FAM135A: variants seen among roughly 807,000 people sequenced by gnomAD.
FAM135A encodes the protein family with sequence similarity 135 member A.
A neutral mutation model predicts 146.8 loss-of-function variants in FAM135A; 79 were observed. The ratio of observed to expected loss-of-function variants is 0.54; its 90% CI spans 0.45 to 0.65. The LOEUF (loss-of-function observed/expected upper bound fraction) is 0.65. Ranked by LOEUF, FAM135A falls within the 30% of genes least tolerant of loss-of-function variation. The pLI is 0.00. For missense variants in FAM135A, 1,623 were observed against 1,758.2 expected (o/e 0.92, Z 1.38); for synonymous variants, 562 against 603.6 (o/e 0.93, Z 1.01).
Position 70,477,294 on chromosome 6 carries a change from T to A in FAM135A, c.504T>A (p.Val168=). The change falls in exon 8 of 22, where the codon GTT becomes GTA. Residue 168 remains valine (V), a synonymous_variant. Coordinates refer to ENST00000418814, the MANE Select transcript of FAM135A (RefSeq NM_001162529.3). ...YFHLSVVSVT[V]HASLVALHQP... is the part of the protein sequence containing the mutation. ...ACCTTTCTGTTGTGTCTGTTACAGTTCATGCATCATTGGTTGCACTACACC... is the reference window on the plus strand; with the variant it reads ...ACCTTTCTGTTGTGTCTGTTACAGTACATGCATCATTGGTTGCACTACACC... 6.2e-7 allele frequency: 1 copy of A among 1,613,398 alleles called. No individual in the cohort carries two copies. Among genetic ancestry groups the A allele is most frequent in the South Asian group, 1.1e-5 (1 of 91,022 alleles).
chr6:70,509,326 G>A (rs931900443), intron 12 of FAM135A, among the ~76,000 whole-genome samples: 3 of 152,072 alleles, frequency 2.0e-5, no homozygotes, highest in Admixed American at 1.3e-4. Flanking sequence ...GCTTCTATGA[G>A]GTTAGCCTCT....
At chr6:70,512,508 A>G (rs572264820) in intron 12 of FAM135A, among the ~76,000 whole-genome samples, 1 of 151,858 alleles carries the variant, frequency 6.6e-6, no homozygotes, top group Non-Finnish European at 1.5e-5. Context: ...GTTGTTCCAC[A>G]TGCTTGTATT....
chr6:70,485,233 TA>T (rs2128194900), intron 10 of FAM135A, among the ~76,000 whole-genome samples: 1 of 152,218 alleles, frequency 6.6e-6, no homozygotes, highest in African/African-American at 2.4e-5. Context: ...GGCATCAACA[TA>T]AAGCTTAACA....
chr6:70,468,685 G>A (rs1276743956), intron 5 of FAM135A, among the ~76,000 whole-genome samples: 2 of 152,184 alleles, frequency 1.3e-5, no homozygotes, highest in African/African-American at 2.4e-5. Flanking sequence ...TACAGTTCTT[G>A]AAATGACATA....
chr6:70,556,591 A>C (rs1800883117), intron 20 of FAM135A, 159 bp from the exon 21 acceptor site: 1 of 535,818 alleles, frequency 1.9e-6, no homozygotes, highest in Admixed American at 3.3e-5. Flanking sequence ...TTTTGTAGAG[A>C]ACATACAGAA....
At chr6:70,542,359 ATCATGTGTTTTTGTATCACC>A (rs1422438290) in intron 20 of FAM135A, among the ~76,000 whole-genome samples, 1 of 150,206 alleles carries the variant, frequency 6.7e-6, no homozygotes, top group East Asian at 2.0e-4. Flanking sequence ...GTGTTTTTGT[ATCATGTGTTTTTGTATCACC>A]TCATGTGTTT....
intron 11 of FAM135A, among the ~76,000 whole-genome samples, chr6:70,502,197 CAT>C (rs1788711374): frequency 6.6e-6 from 1 of 152,152 alleles, no homozygotes; most frequent in South Asian, 2.1e-4. Flanking sequence ...TCTAAGGAGT[CAT>C]AGATATTTTA....
intron 2 of FAM135A, among the ~76,000 whole-genome samples, chr6:70,421,945 T>A (rs997358486): frequency 3.3e-4 from 50 of 152,126 alleles, no homozygotes; most frequent in African/African-American, 1.1e-3. Context: ...CTGCCGTGCA[T>A]CATCTGGGTA....
At chr6:70,500,356 T>C (rs1788214420) in intron 11 of FAM135A, among the ~76,000 whole-genome samples, 1 of 152,310 alleles carries the variant, frequency 6.6e-6, no homozygotes, top group Non-Finnish European at 1.5e-5. Context: ...CTCTCTAAAC[T>C]GGTTATTCTT....
chr6:70,525,767 C>A lies in FAM135A; in HGVS notation c.2683C>A (p.Gln895Lys). Residue 895 changes from glutamine (Q) to lysine (K), a missense_variant, in exon 15 of 22, where the codon CAG (glutamine) becomes AAG (lysine). Transcript: ENST00000418814. ...AAAGTCAAGTATCACTTTGCAACAG[C>A]AGAGTGTTGTATTTTCAGGGAACTT... ...TKKSSITLQQ[Q>K]SVVFSGNLDN... 6.2e-7 allele frequency: 1 copy of A among 1,613,372 alleles called. No homozygotes were observed. Among genetic ancestry groups the A allele is most frequent in the Non-Finnish European group, 8.5e-7 (1 of 1,179,614 alleles).
intron 10 of FAM135A, among the ~76,000 whole-genome samples, chr6:70,486,820 C>T (rs1019627203): frequency 4.6e-5 from 7 of 151,952 alleles, no homozygotes; most frequent in Non-Finnish European, 7.4e-5. Flanking sequence ...CCCAGCTACT[C>T]GGAGGCTGAG....
chr6:70,533,841 G>T lies in FAM135A; in HGVS notation c.3952G>T (p.Val1318Phe). 1 of 1,498,566 alleles carries T rather than the reference G, an allele frequency of 6.7e-7. No individual in the cohort carries two copies. The highest frequency in any genetic ancestry group is 9.0e-7 in the Non-Finnish European group (1 of 1,113,164). The allele number at this position is 1,498,566 out of a possible 1,614,324, so 92.8% of individuals were successfully genotyped here. A position where few individuals can be genotyped will look rare whatever the true frequency, so the allele number is the denominator to read the frequency against. The change falls in exon 18 of 22, where the codon GTC becomes TTC. Residue 1318 changes from valine (V) to phenylalanine (F), a missense_variant. Transcript: ENST00000418814. ...IQYIQIYSLT[V>F]SKISFIGHSL... Reference sequence around the variant, plus strand: ...GTATATTCAGATATATAGTCTAACAGTCTCAAAAATAAGGTATCTTCTTTA... The same window carrying T: ...GTATATTCAGATATATAGTCTAACATTCTCAAAAATAAGGTATCTTCTTTA...
At chr6:70,425,751 A>T (rs1472364470) in intron 2 of FAM135A, among the ~76,000 whole-genome samples, 3 of 152,238 alleles carry the variant, frequency 2.0e-5, no homozygotes, top group Admixed American at 6.5e-5. Flanking sequence ...ATGCACACAC[A>T]TACATATATA....
chr6:70,482,191 A>G lies in FAM135A; in HGVS notation c.823+37A>G, dbSNP rs750421968. On this transcript the variant is annotated intron_variant, in intron 10 of 21. Transcript: ENST00000418814. Reference sequence around the variant, plus strand: ...GTAGCGAGACTTATTCTACAGTTCAAATCATTCTCTTCAGTCTTATATTGC... The same window carrying G: ...GTAGCGAGACTTATTCTACAGTTCAGATCATTCTCTTCAGTCTTATATTGC... 6 of 1,604,332 alleles carry G rather than the reference A, an allele frequency of 3.7e-6. No homozygotes were observed. The South Asian group carries it at 5.5e-5, about 15-fold the overall frequency.
chr6:70,480,094 G>A (rs142297598), intron 8 of FAM135A, among the ~76,000 whole-genome samples: 2 of 152,194 alleles, frequency 1.3e-5, no homozygotes, highest in East Asian at 3.9e-4. Context: ...CAGTTCAAAT[G>A]CTTTGGCCTA....
chr6:70,522,641 C>G, intron 13 of FAM135A, 55 bp downstream of exon 13: 1 of 1,379,426 alleles, frequency 7.2e-7, no homozygotes, highest in Non-Finnish European at 1.0e-6. Flanking sequence ...ACATAAGATA[C>G]CTGTCTCAGA....
intron 20 of FAM135A, among the ~76,000 whole-genome samples, chr6:70,553,813 C>T (rs12529284): frequency 0.17 from 25,670 of 151,904 alleles, 2,257 homozygotes; most frequent in Middle Eastern, 0.22. Context: ...AGTCATGAGA[C>T]CAGCAAGTAG....
At chr6:70,502,342 A>G (rs568604990) in intron 11 of FAM135A, among the ~76,000 whole-genome samples, 2 of 152,334 alleles carry the variant, frequency 1.3e-5, no homozygotes, top group South Asian at 2.1e-4. Flanking sequence ...ATCATTCTCT[A>G]TAGCATCCTA....
intron 5 of FAM135A, among the ~76,000 whole-genome samples, chr6:70,472,410 A>G (rs1247297065): frequency 6.6e-6 from 1 of 152,198 alleles, no homozygotes; most frequent in Non-Finnish European, 1.5e-5. Flanking sequence ...AGTACATTAT[A>G]AAGAACTTTT....
Sources: gnomAD v4.1 joint callset for allele counts (sites outside exome capture counted in the v4.1 genomes callset) on GRCh38, gnomAD v4.1.1 for gene constraint, MANE v1.5 for transcripts, NCBI Gene and HGNC (gene_info 2026-07-23, HGNC 2026-07-21) for gene names.